Variants in RTN1 observed in about 807,000 individuals in gnomAD.
RTN1 encodes the protein reticulon-1.
Under a neutral mutation model 65.5 loss-of-function variants are expected in RTN1, and 25 were observed. That is an observed-to-expected ratio of 0.38 (90% CI 0.28 to 0.53). The LOEUF (loss-of-function observed/expected upper bound fraction) is 0.53, where lower values mean the gene tolerates loss of function less well. Among genes scored for constraint, RTN1 ranks in the 20% least tolerant of loss-of-function variants. The pLI, the probability that RTN1 is intolerant of heterozygous loss-of-function variation, is 0.79. For missense variants in RTN1, 983 were observed against 1,025.4 expected (o/e 0.96, Z 0.57); for synonymous variants, 471 against 447.6 (o/e 1.05, Z -0.66).
At chr14:59,645,847 A>G (rs998177786) in intron 3 of RTN1, among the ~76,000 whole-genome samples, 1 of 152,212 alleles carries the variant, frequency 6.6e-6, no homozygotes, top group African/African-American at 2.4e-5. Flanking sequence ...AGTTAAGAGA[A>G]CACCTAAATG....
rs1320415412 is a variant in RTN1 at position 59,749,176 on chromosome 14, C to CTA, written c.242-2697_242-2696dup. 9.7e-5 allele frequency among the ~76,000 whole-genome samples: 10 copies of CTA among 103,412 alleles called. 1 individual carries two copies. Among genetic ancestry groups the CTA allele is most frequent in the African/African-American group, 2.6e-4 (5 of 18,984 alleles). 67.8% of individuals were successfully genotyped at this position (103,412 alleles called of 152,430 possible). On this transcript the variant is annotated intron_variant, in intron 1 of 8. Transcript: ENST00000267484. The stretch of plus-strand genomic sequence containing the variant: ...TATCTATATCTATCTATATATCTAT[C>CTA]TATATATCTATCTATATATATCTAT...
In RTN1 at chr14:59,825,690, T is replaced by G. The variant is rs541119067; in HGVS notation, c.241+44700A>C. On this transcript the variant is annotated intron_variant, in intron 1 of 8. Transcript: ENST00000267484. The surrounding 1 kb of genome is among the most constrained non-coding windows in gnomAD (Gnocchi z 4.2). Reference sequence around the variant, plus strand: ...CGGTGGCCAAGGAATAGTGTTACTGTGTGCTCTTAGAGTTACACAGAATTT... The same window carrying G: ...CGGTGGCCAAGGAATAGTGTTACTGGGTGCTCTTAGAGTTACACAGAATTT... Among the ~76,000 whole-genome samples, 63 of 152,354 alleles carry G rather than the reference T, an allele frequency of 4.1e-4. No individual in the cohort carries two copies. The highest frequency in any genetic ancestry group is 1.4e-3 in the African/African-American group (60 of 41,584).
intron 1 of RTN1, among the ~76,000 whole-genome samples, chr14:59,753,687 T>C (rs1885576805): frequency 6.6e-6 from 1 of 152,312 alleles, no homozygotes; most frequent in African/African-American, 2.4e-5. Context: ...GAACTGAGCC[T>C]GAAGGCCCAG....
At chr14:59,756,259 G>A (rs8018516) in intron 1 of RTN1, among the ~76,000 whole-genome samples, 70,298 of 152,026 alleles carry the variant, frequency 0.46, 18,121 homozygotes, top group African/African-American at 0.7. Context: ...TGGAAATGTG[G>A]TTCTGTGGTC....
In RTN1 at chr14:59,836,427, C is replaced by T. The variant is rs1369120281; in HGVS notation, c.241+33963G>A. On this transcript the variant is annotated intron_variant, in intron 1 of 8. Transcript: ENST00000267484. The surrounding 1 kb of genome is among the most constrained non-coding windows in gnomAD (Gnocchi z 4.9). ...GGCACAGAGAGATTAAGGAACTCCC[C>T]ACATCACACAACTAATTTTTCCAGT... Among the ~76,000 whole-genome samples the T allele has an allele frequency of 2.6e-5, 4 of 152,166 alleles. No individual in the cohort carries two copies. The highest frequency in any genetic ancestry group is 2.6e-4 in the Admixed American group (4 of 15,268).
At chr14:59,859,026 G>A (rs934966859) in intron 1 of RTN1, among the ~76,000 whole-genome samples, 1 of 152,212 alleles carries the variant, frequency 6.6e-6, no homozygotes, top group Non-Finnish European at 1.5e-5. Flanking sequence ...GGGAGAACTA[G>A]AGGAGGATTT....
intron 1 of RTN1, among the ~76,000 whole-genome samples, chr14:59,762,702 T>G (rs1885774196): frequency 6.6e-6 from 1 of 152,232 alleles, no homozygotes; most frequent in Admixed American, 6.5e-5. Flanking sequence ...TCAAGTTAAT[T>G]CAATAGCTGA....
At chr14:59,676,107 G>A (rs779486275) in intron 3 of RTN1, among the ~76,000 whole-genome samples, 7 of 152,148 alleles carry the variant, frequency 4.6e-5, no homozygotes, top group Non-Finnish European at 8.8e-5. Flanking sequence ...CTAGCATAGT[G>A]ACTGACATAT....
rs994401386 is a variant in RTN1, at chr14:59,774,259, C to T, written c.242-27778G>A. On this transcript the variant is annotated intron_variant, in intron 1 of 8. Transcript: ENST00000267484. The surrounding 1 kb of genome is among the most constrained non-coding windows in gnomAD (Gnocchi z 5.1). ...CTTACTAAACTGACTGTTTAACATG[C>T]TGAGTTTTTGTCCCCAAAACATTCT... Among the ~76,000 whole-genome samples, 1 of 152,190 alleles carries T rather than the reference C, an allele frequency of 6.6e-6. No individual in the cohort carries two copies. Among genetic ancestry groups the T allele is most frequent in the Admixed American group, 6.6e-5 (1 of 15,264 alleles).
chr14:59,612,438 C>T (rs2140169062), intron 3 of RTN1, among the ~76,000 whole-genome samples: 1 of 152,296 alleles, frequency 6.6e-6, no homozygotes, highest in South Asian at 2.1e-4. Flanking sequence ...CTTTCTCTGT[C>T]TGGGTAAAAC....
At chr14:59,673,017 G>C (rs748319990) in intron 3 of RTN1, among the ~76,000 whole-genome samples, 1 of 152,160 alleles carries the variant, frequency 6.6e-6, no homozygotes, top group Non-Finnish European at 1.5e-5. Flanking sequence ...TTTTCTTTAT[G>C]ACATTGGTTT....
Position 59,853,904 on chromosome 14 carries a change from G to A in RTN1, c.241+16486C>T, listed in dbSNP as rs527567829. Reference sequence around the variant, plus strand: ...TTTTGAGAGGGAGTCTTGCTCTGTCGCCCAGGCTGGAGTGCAGAAGTGTAA... The same window carrying A: ...TTTTGAGAGGGAGTCTTGCTCTGTCACCCAGGCTGGAGTGCAGAAGTGTAA... On this transcript the variant is annotated intron_variant, in intron 1 of 8. Coordinates refer to ENST00000267484, the MANE Select transcript of RTN1 (RefSeq NM_021136.3). 2.5e-4 allele frequency among the ~76,000 whole-genome samples: 35 copies of A among 137,404 alleles called. No individual in the cohort carries two copies. The South Asian group carries it at 6.1e-3, about 24-fold the overall frequency. 90.1% of individuals were successfully genotyped at this position (137,404 alleles called of 152,430 possible). A position where few individuals can be genotyped will look rare whatever the true frequency, so the allele number is the denominator to read the frequency against.
At chr14:59,722,250 G>A (rs951089719) in intron 3 of RTN1, among the ~76,000 whole-genome samples, 2 of 152,152 alleles carry the variant, frequency 1.3e-5, no homozygotes, top group Non-Finnish European at 2.9e-5. Context: ...ATGGACATAC[G>A]GAATTTGGGA....
In RTN1 at chr14:59,714,941, G is replaced by A. The variant is rs189162830; in HGVS notation, c.1765+11978C>T. Among the ~76,000 whole-genome samples the A allele has an allele frequency of 7.1e-4, 108 of 152,266 alleles. 1 individual carries two copies. In the East Asian group the frequency reaches 0.011, roughly 15 times the overall value. Reference sequence around the variant, plus strand: ...TAGGAGATTAGATTCTCATAGGAGCGTGAACCTTATTGTAAACTGCACAAG... The same window carrying A: ...TAGGAGATTAGATTCTCATAGGAGCATGAACCTTATTGTAAACTGCACAAG... On this transcript the variant is annotated intron_variant, in intron 3 of 8. Transcript: ENST00000267484.
At chr14:59,693,336 G>A (rs1213500467) in intron 3 of RTN1, among the ~76,000 whole-genome samples, 4 of 152,222 alleles carry the variant, frequency 2.6e-5, no homozygotes, top group Admixed American at 2.0e-4. Flanking sequence ...AAGCCTCCTG[G>A]TTTTTACTTT....
chr14:59,735,352 G>A (rs1884981611), intron 2 of RTN1, among the ~76,000 whole-genome samples: 1 of 152,142 alleles, frequency 6.6e-6, no homozygotes, highest in Admixed American at 6.5e-5. Context: ...TGACCAGCTA[G>A]CGTCGTGATG....
chr14:59,673,523 C>T (rs1361880406), intron 3 of RTN1, among the ~76,000 whole-genome samples: 11 of 152,160 alleles, frequency 7.2e-5, no homozygotes, highest in African/African-American at 2.4e-4. Flanking sequence ...CTCTCAACTG[C>T]GAGAGGGGAC....
intron 3 of RTN1, among the ~76,000 whole-genome samples, chr14:59,630,271 A>G (rs1202779805): frequency 6.6e-6 from 1 of 151,996 alleles, no homozygotes; most frequent in Non-Finnish European, 1.5e-5. Context: ...AAAAAACAAC[A>G]ACCAAGCACC....
At chr14:59,609,322 C>T (rs1055359896) in intron 3 of RTN1, among the ~76,000 whole-genome samples, 15 of 151,128 alleles carry the variant, frequency 9.9e-5, no homozygotes, top group African/African-American at 3.6e-4. Context: ...TTGGCCTAAT[C>T]CTTTTCTTTT....
Sources: allele counts gnomAD v4.1 joint callset (sites outside exome capture counted in the v4.1 genomes callset), GRCh38; gene constraint gnomAD v4.1.1; non-coding constraint Gnocchi (gnomAD v3.1); transcripts MANE v1.5; gene names NCBI Gene and HGNC (gene_info 2026-07-23, HGNC 2026-07-21).